GALNT13: variants seen among roughly 807,000 people sequenced by gnomAD.
GALNT13 encodes the protein polypeptide N-acetylgalactosaminyltransferase 13.
In GALNT13, 28 loss-of-function variants were observed where a neutral mutation model predicts 64.2. That is an observed-to-expected ratio of 0.44 (90% CI 0.32 to 0.60). GALNT13 has a LOEUF of 0.60. Ranked by LOEUF, GALNT13 falls within the 20% of genes least tolerant of loss-of-function variation. The pLI is 0.05. For synonymous variants in GALNT13, 214 were observed against 224.6 expected (o/e 0.95, Z 0.42); for missense variants, 577 against 669.8 (o/e 0.86, Z 1.53).
At chr2:153,732,653 G>A in the GALNT13 span, among the ~76,000 whole-genome samples, 2 of 152,046 alleles carry the variant, frequency 1.3e-5, no homozygotes, top group African/African-American at 4.8e-5. Flanking sequence ...AAACAGATGA[G>A]AACATATTCA....
At chr2:154,063,106 C>T (rs983124401) in intron 3 of GALNT13, among the ~76,000 whole-genome samples, 1 of 151,768 alleles carries the variant, frequency 6.6e-6, no homozygotes, top group Non-Finnish European at 1.5e-5. Flanking sequence ...GTGTTTTTGT[C>T]ACCCTTTTTG....
At chr2:153,361,644 A>G in the GALNT13 span, among the ~76,000 whole-genome samples, 1 of 152,210 alleles carries the variant, frequency 6.6e-6, no homozygotes, top group East Asian at 1.9e-4. Context: ...CCATCTTACT[A>G]AAATAATACA....
chr2:153,729,082 C>A, the GALNT13 span, among the ~76,000 whole-genome samples: 3 of 152,152 alleles, frequency 2.0e-5, no homozygotes, highest in Non-Finnish European at 4.4e-5. Flanking sequence ...GGTACCATTC[C>A]TTCTGAAACT....
At chr2:154,196,929 CTAT>C (rs1456360756) in intron 4 of GALNT13, among the ~76,000 whole-genome samples, 1 of 152,158 alleles carries the variant, frequency 6.6e-6, no homozygotes, top group Non-Finnish European at 1.5e-5. Flanking sequence ...TTGGTTTTTA[CTAT>C]TATTATATGT....
chr2:153,977,283 A>G (rs948049556), intron 3 of GALNT13, among the ~76,000 whole-genome samples: 2 of 152,176 alleles, frequency 1.3e-5, no homozygotes, highest in Non-Finnish European at 1.5e-5. Context: ...TTGTATTAGT[A>G]TGTTCTCATG....
chr2:153,894,553 TAAAA>T (rs1687768102), intron 1 of GALNT13, among the ~76,000 whole-genome samples: 1 of 151,696 alleles, frequency 6.6e-6, no homozygotes, highest in African/African-American at 2.4e-5. Flanking sequence ...AAGGTCAAAT[TAAAA>T]GAGAGAGAGA....
chr2:153,546,611 G>A, the GALNT13 span, among the ~76,000 whole-genome samples: 2 of 152,142 alleles, frequency 1.3e-5, no homozygotes, highest in Non-Finnish European at 2.9e-5. Flanking sequence ...CTTAGTCACT[G>A]TCCACAGCCA....
rs190568940 is a variant in GALNT13, at chr2:154,058,282, C to T, written c.143-82055C>T. Among the ~76,000 whole-genome samples, 164 of 152,296 alleles carry T rather than the reference C, an allele frequency of 1.1e-3. 2 individuals are homozygous for T. The highest frequency in any genetic ancestry group is 1.5e-3 in the Non-Finnish European group (103 of 68,020). On this transcript the variant is annotated intron_variant, in intron 3 of 12. Coordinates refer to ENST00000392825, the MANE Select transcript of GALNT13 (RefSeq NM_052917.4). ...TACTGCCATTCTGATCTCCTCCAGA[C>T]TCCAGATCTGTGGCAAAACAAATTT...
At chr2:153,074,425 T>C in the GALNT13 span, among the ~76,000 whole-genome samples, 1 of 152,164 alleles carries the variant, frequency 6.6e-6, no homozygotes, top group East Asian at 1.9e-4. Flanking sequence ...TACTTAACAA[T>C]GGGGATATGT....
chr2:153,347,789 T>A, the GALNT13 span, among the ~76,000 whole-genome samples: 69,694 of 152,116 alleles, frequency 0.46, 16,705 homozygotes, highest in Non-Finnish European at 0.54. Flanking sequence ...ACCCACCTTT[T>A]AGGCAATCTA....
intron 2 of GALNT13, among the ~76,000 whole-genome samples, chr2:153,941,693 CA>C (rs1454027025): frequency 1.3e-5 from 2 of 152,108 alleles, no homozygotes; most frequent in Non-Finnish European, 2.9e-5. Flanking sequence ...TATTGAAATA[CA>C]ATATATAAGA....
At chr2:154,078,259 C>T (rs1429075668) in intron 3 of GALNT13, among the ~76,000 whole-genome samples, 1 of 151,432 alleles carries the variant, frequency 6.6e-6, no homozygotes, top group African/African-American at 2.4e-5. Context: ...CTATGTAGTT[C>T]ATTTACCACA....
At chr2:153,359,705 A>T in the GALNT13 span, among the ~76,000 whole-genome samples, 1 of 151,154 alleles carries the variant, frequency 6.6e-6, no homozygotes, top group Non-Finnish European at 1.5e-5. Flanking sequence ...TAAGATGAGC[A>T]AGGATTAATT....
At chr2:153,338,467 TA>T in the GALNT13 span, among the ~76,000 whole-genome samples, 1 of 152,204 alleles carries the variant, frequency 6.6e-6, no homozygotes, top group East Asian at 1.9e-4. Context: ...GAAATTTTTT[TA>T]AAAGTCTGCA....
the GALNT13 span, among the ~76,000 whole-genome samples, chr2:153,153,692 A>G: frequency 2.6e-4 from 35 of 133,210 alleles, no homozygotes; most frequent in African/African-American, 8.0e-4. Flanking sequence ...CAGGTTTGTC[A>G]AAGATCAGAT....
the GALNT13 span, among the ~76,000 whole-genome samples, chr2:153,814,465 G>GTAAGTAAGTAAA: frequency 1.4e-3 from 211 of 149,002 alleles, no homozygotes; most frequent in African/African-American, 1.7e-3. Context: ...AAGTAAGTAA[G>GTAAGTAAGTAAA]TAAATAAATA....
At chr2:153,705,591 C>G in the GALNT13 span, among the ~76,000 whole-genome samples, 1 of 152,160 alleles carries the variant, frequency 6.6e-6, no homozygotes, top group African/African-American at 2.4e-5. Context: ...GTCTCTCATT[C>G]TCCTTGGACA....
At chr2:153,431,286 C>T in the GALNT13 span, among the ~76,000 whole-genome samples, 1 of 152,082 alleles carries the variant, frequency 6.6e-6, no homozygotes, top group African/African-American at 2.4e-5. Context: ...AGGCCTTGAG[C>T]ATCTTTCCAG....
At chr2:153,456,158 C>A in the GALNT13 span, among the ~76,000 whole-genome samples, 1 of 152,154 alleles carries the variant, frequency 6.6e-6, no homozygotes, top group Non-Finnish European at 1.5e-5. Context: ...AGGCAACATT[C>A]AAGCAGGAAA....
Sources: gnomAD v4.1 joint callset for allele counts (sites outside exome capture counted in the v4.1 genomes callset) on GRCh38, gnomAD v4.1.1 for gene constraint, MANE v1.5 for transcripts, NCBI Gene and HGNC (gene_info 2026-07-23, HGNC 2026-07-21) for gene names.